Variants in HMCN1 observed in about 807,000 individuals in gnomAD.
HMCN1 encodes the protein hemicentin-1.
Under a neutral mutation model 625.9 loss-of-function variants are expected in HMCN1, and 321 were observed. That is an observed-to-expected ratio of 0.51 (90% CI 0.47 to 0.56). The LOEUF is 0.56. HMCN1 is among the 20% of genes least tolerant of loss of function. The pLI is 0.00. For missense variants in HMCN1, 6,588 were observed against 6,887.3 expected, an observed-to-expected ratio of 0.96 and a Z score of 1.54; for synonymous variants, 2,425 against 2,417.6, an observed-to-expected ratio of 1.00 and a Z score of -0.09.
At chr1:185,794,653 G>T (rs564735407) in intron 1 of HMCN1, among the ~76,000 whole-genome samples, 3 of 135,126 alleles carry the variant, frequency 2.2e-5, no homozygotes, top group Non-Finnish European at 4.5e-5. Context: ...TGTGCCGGCA[G>T]CTGATTAGGT....
intron 4 of HMCN1, among the ~76,000 whole-genome samples, chr1:185,892,002 G>T (rs1359908801): frequency 6.6e-6 from 1 of 151,472 alleles, no homozygotes; most frequent in African/African-American, 2.5e-5. Flanking sequence ...TGGAGGTTTT[G>T]CTCGTTTCTT....
intron 81 of HMCN1, among the ~76,000 whole-genome samples, chr1:186,124,113 T>A (rs1049661653): frequency 6.6e-6 from 1 of 152,130 alleles, no homozygotes; most frequent in African/African-American, 2.4e-5. Flanking sequence ...TCTTCTCAAA[T>A]GTCTATAGAA....
intron 4 of HMCN1, among the ~76,000 whole-genome samples, chr1:185,894,755 A>G (rs916963887): frequency 1.3e-5 from 2 of 152,128 alleles, no homozygotes; most frequent in Non-Finnish European, 2.9e-5. Context: ...TCCAACAAAG[A>G]TTTTGGATTT....
At chr1:186,072,898 C>G (rs1658562027) in intron 52 of HMCN1, among the ~76,000 whole-genome samples, 1 of 152,166 alleles carries the variant, frequency 6.6e-6, no homozygotes, top group African/African-American at 2.4e-5. Context: ...TGACATGACA[C>G]AATCTGACTT....
intron 11 of HMCN1, among the ~76,000 whole-genome samples, chr1:185,961,996 G>A (rs1048310436): frequency 7.9e-5 from 12 of 152,134 alleles, no homozygotes; most frequent in African/African-American, 2.7e-4. Flanking sequence ...TGCAAGGGAT[G>A]TTAAATGCTG....
intron 33 of HMCN1, 104 bp from the exon 34 acceptor site, chr1:186,018,079 G>T (rs940356494): frequency 2.3e-4 from 234 of 1,026,344 alleles, no homozygotes; most frequent in Middle Eastern, 6.0e-4. Flanking sequence ...TACAGAGTAA[G>T]CAACTAGGAA....
intron 24 of HMCN1, 105 bp downstream of exon 24, chr1:185,995,192 A>T: frequency 9.5e-7 from 1 of 1,052,770 alleles, no homozygotes; most frequent in Non-Finnish European, 1.5e-6. Flanking sequence ...CTTCAGAAAG[A>T]GTTCTATATA....
intron 4 of HMCN1, among the ~76,000 whole-genome samples, chr1:185,905,462 A>G (rs1270098839): frequency 1.3e-5 from 2 of 151,856 alleles, no homozygotes; most frequent in South Asian, 2.1e-4. Flanking sequence ...TGCAAACTGT[A>G]TTGAACACCT....
intron 1 of HMCN1, among the ~76,000 whole-genome samples, chr1:185,829,424 A>C (rs1021306237): frequency 2.6e-5 from 4 of 151,988 alleles, no homozygotes; most frequent in Non-Finnish European, 5.9e-5. Flanking sequence ...TTACCCCCCA[A>C]CAGGCTGTGG....
chr1:186,018,028 G>A (rs918946017), intron 33 of HMCN1, among the ~76,000 whole-genome samples, 155 bp from the exon 34 acceptor site: 1 of 151,850 alleles, frequency 6.6e-6, no homozygotes, highest in Non-Finnish European at 1.5e-5. Context: ...GCGTTAGGCC[G>A]GGTTTCCTTT....
At chr1:185,760,614 C>T (rs549968061) in intron 1 of HMCN1, among the ~76,000 whole-genome samples, 14 of 152,044 alleles carry the variant, frequency 9.2e-5, no homozygotes, top group East Asian at 5.8e-4. Context: ...AGACAGACAA[C>T]GTCCTTTCCC....
Position 186,068,027 on chromosome 1 carries a change from T to G in HMCN1, c.7879+20T>G. On this transcript the variant is annotated intron_variant, in intron 50 of 106. Transcript: ENST00000271588. ...TTCCAGGTAATTCATTTGCTTCAGA[T>G]GTCCAAGATGCATCTGCGTCATCTA... The G allele has an allele frequency of 1.9e-6, 3 of 1,597,074 alleles. No homozygotes were observed. The highest frequency in any genetic ancestry group is 2.6e-6 in the Non-Finnish European group (3 of 1,164,750).
intron 40 of HMCN1, among the ~76,000 whole-genome samples, chr1:186,044,864 G>C (rs1306957997): frequency 6.6e-6 from 1 of 152,200 alleles, no homozygotes; most frequent in East Asian, 1.9e-4. Flanking sequence ...TGGCAGGACT[G>C]TACCTAAACC....
At chr1:186,152,082 T>A (rs1650707831) in intron 95 of HMCN1, among the ~76,000 whole-genome samples, 1 of 152,190 alleles carries the variant, frequency 6.6e-6, no homozygotes, top group African/African-American at 2.4e-5. Flanking sequence ...ACCTTCTTTG[T>A]CTTTAAACCA....
intron 103 of HMCN1, among the ~76,000 whole-genome samples, chr1:186,174,885 C>T (rs143225984): frequency 7.2e-4 from 109 of 152,322 alleles, no homozygotes; most frequent in African/African-American, 2.4e-3. Flanking sequence ...ATACACCACA[C>T]ATATCAAAGT....
At chr1:186,001,262 T>C (rs372010312) in intron 26 of HMCN1, 36 bp from the exon 27 acceptor site, 1 of 1,577,894 alleles carries the variant, frequency 6.3e-7, no homozygotes, top group Non-Finnish European at 8.7e-7. Context: ...ATATTTATTA[T>C]GAAACTAGCT....
chr1:186,009,264 T>A (rs576875968), intron 30 of HMCN1, among the ~76,000 whole-genome samples: 1 of 152,316 alleles, frequency 6.6e-6, no homozygotes, highest in East Asian at 1.9e-4. Context: ...TCATTTTAGA[T>A]CCTCTTGTTC....
chr1:186,108,627 C>CT (rs1420355757), intron 71 of HMCN1, 30 bp downstream of exon 71: 1 of 1,613,536 alleles, frequency 6.2e-7, no homozygotes, highest in Admixed American at 1.7e-5. Flanking sequence ...CCACAAATTC[C>CT]TTTTTGAGAT....
At chr1:185,975,542 C>T (rs1184061849) in intron 15 of HMCN1, among the ~76,000 whole-genome samples, 1 of 152,050 alleles carries the variant, frequency 6.6e-6, no homozygotes, top group Non-Finnish European at 1.5e-5. Flanking sequence ...GGCCCCTCCT[C>T]CAAAATTGGG....
Sources: gnomAD v4.1 joint callset for allele counts (sites outside exome capture counted in the v4.1 genomes callset) on GRCh38, gnomAD v4.1.1 for gene constraint, MANE v1.5 for transcripts, NCBI Gene and HGNC (gene_info 2026-07-23, HGNC 2026-07-21) for gene names.